The following NAV3 variants were observed in gnomAD, a reference collection of about 807,000 sequenced individuals.
NAV3 encodes neuron navigator 3.
In NAV3, 87 loss-of-function variants were observed where a neutral mutation model predicts 244.7. That is an observed-to-expected ratio of 0.36 (90% CI 0.30 to 0.42). The LOEUF is 0.42. NAV3 is among the 20% of genes least tolerant of loss of function. NAV3 has a pLI of 1.00. For synonymous variants in NAV3, 1,126 were observed against 1,042.2 expected (o/e 1.08, Z -1.55); for missense variants, 2,663 against 2,893.3 (o/e 0.92, Z 1.83).
At chr12:77,590,943 A>C (rs1869877272) in intron 2 of NAV3, among the ~76,000 whole-genome samples, 1 of 152,206 alleles carries the variant, frequency 6.6e-6, no homozygotes, top group Non-Finnish European at 1.5e-5. Flanking sequence ...CAAAGGTGAT[A>C]AACCATGTGA....
intron 2 of NAV3, among the ~76,000 whole-genome samples, chr12:77,607,403 A>C (rs181753760): frequency 1.3e-3 from 191 of 152,278 alleles, no homozygotes; most frequent in African/African-American, 3.2e-3. Context: ...ACAACTGGAT[A>C]AGGAAAAGCA....
chr12:78,190,362 G>A, intron 34 of NAV3, 143 bp downstream of exon 34: 1 of 675,808 alleles, frequency 1.5e-6, no homozygotes. Flanking sequence ...AACCTGGTGA[G>A]TGATCAAACT....
At chr12:77,734,017 A>G (rs553469980) in intron 2 of NAV3, among the ~76,000 whole-genome samples, 31 of 151,938 alleles carry the variant, frequency 2.0e-4, no homozygotes, top group Non-Finnish European at 4.0e-4. Context: ...TCAGGATCAG[A>G]GAGACTTAAG....
At chr12:77,691,356 C>CT (rs1875019081) in intron 2 of NAV3, among the ~76,000 whole-genome samples, 1 of 108,626 alleles carries the variant, frequency 9.2e-6, no homozygotes, top group African/African-American at 3.4e-5. Flanking sequence ...TATATATATA[C>CT]ATATCCATTC....
intron 2 of NAV3, among the ~76,000 whole-genome samples, chr12:77,699,816 C>T (rs907648157): frequency 1.4e-4 from 21 of 149,880 alleles, no homozygotes; most frequent in Middle Eastern, 3.2e-3. Context: ...AATGAACAAG[C>T]CTCTGAAATC....
At chr12:77,793,996 C>T (rs993390409) in intron 2 of NAV3, among the ~76,000 whole-genome samples, 10 of 152,088 alleles carry the variant, frequency 6.6e-5, no homozygotes, top group Admixed American at 2.6e-4. Context: ...TGTTTCCTGT[C>T]TTTTTTAATG....
At chr12:77,934,771 A>G (rs1000746358) in intron 1 of NAV3, among the ~76,000 whole-genome samples, 5 of 152,222 alleles carry the variant, frequency 3.3e-5, no homozygotes, top group Non-Finnish European at 7.3e-5. Context: ...ATTTGAACAT[A>G]CCAGGGAGCA....
chr12:78,054,036 G>A (rs866736383), intron 11 of NAV3, among the ~76,000 whole-genome samples: 1 of 152,164 alleles, frequency 6.6e-6, no homozygotes, highest in Non-Finnish European at 1.5e-5. Context: ...AGTGCAATAT[G>A]TTGGGAATTT....
chr12:77,744,948 A>T (rs1868461787), intron 2 of NAV3, among the ~76,000 whole-genome samples: 1 of 152,018 alleles, frequency 6.6e-6, no homozygotes, highest in Non-Finnish European at 1.5e-5. Flanking sequence ...AATACATCAT[A>T]AGAGTGTTGT....
chr12:77,796,138 T>C (rs1013559765), intron 2 of NAV3, among the ~76,000 whole-genome samples: 2 of 152,082 alleles, frequency 1.3e-5, no homozygotes, highest in Non-Finnish European at 2.9e-5. Flanking sequence ...CTAAGCAAAG[T>C]AAATAAAAAA....
At chr12:77,626,204 A>G (rs942548528) in intron 2 of NAV3, among the ~76,000 whole-genome samples, 2 of 152,020 alleles carry the variant, frequency 1.3e-5, no homozygotes, top group Non-Finnish European at 2.9e-5. Flanking sequence ...GAAGAGAAAA[A>G]TTTCTGAACT....
chr12:77,745,285 C>T (rs1201787782), intron 2 of NAV3, among the ~76,000 whole-genome samples: 2 of 151,948 alleles, frequency 1.3e-5, no homozygotes, highest in Non-Finnish European at 2.9e-5. Context: ...TCTTATATAG[C>T]AGTTTGGACC....
At chr12:77,857,999 G>T (rs1878653679) in intron 1 of NAV3, among the ~76,000 whole-genome samples, 3 of 151,900 alleles carry the variant, frequency 2.0e-5, no homozygotes, top group Non-Finnish European at 2.9e-5. Flanking sequence ...CATGCAATTT[G>T]CCAAGAAAAA....
At chr12:78,197,552 A>AGTTTTAT in intron 35 of NAV3, 151 bp downstream of exon 35, 1 of 537,880 alleles carries the variant, frequency 1.9e-6, no homozygotes, top group South Asian at 3.5e-5. Flanking sequence ...GATTGTGTAC[A>AGTTTTAT]CCATGATGTT....
chr12:78,196,306 C>G (rs776198415), intron 34 of NAV3, among the ~76,000 whole-genome samples: 1 of 151,916 alleles, frequency 6.6e-6, no homozygotes, highest in Admixed American at 6.6e-5. Context: ...AAAATCCTGG[C>G]CCGTTGTTTT....
At chr12:78,023,115 G>A (rs1197943767) in intron 9 of NAV3, among the ~76,000 whole-genome samples, 1 of 152,116 alleles carries the variant, frequency 6.6e-6, no homozygotes, top group African/African-American at 2.4e-5. Flanking sequence ...AGATGTGTAT[G>A]CCTCATATAT....
At chr12:78,102,923 C>A (rs975110277) in intron 12 of NAV3, among the ~76,000 whole-genome samples, 10 of 152,098 alleles carry the variant, frequency 6.6e-5, no homozygotes, top group Admixed American at 1.3e-4. Flanking sequence ...ATCATTTTTT[C>A]CTCCTAGGCT....
chr12:77,976,976 G>A (rs181269171), intron 5 of NAV3, among the ~76,000 whole-genome samples: 1 of 152,106 alleles, frequency 6.6e-6, no homozygotes, highest in African/African-American at 2.4e-5. Flanking sequence ...CACCCGGCCT[G>A]TACTGTATTC....
intron 9 of NAV3, among the ~76,000 whole-genome samples, chr12:78,033,191 G>A (rs1879280572): frequency 6.6e-6 from 1 of 151,446 alleles, no homozygotes; most frequent in African/African-American, 2.4e-5. Context: ...TTAAAAGTGG[G>A]AAATATCTGA....
Sources: allele counts gnomAD v4.1 joint callset (sites outside exome capture counted in the v4.1 genomes callset), GRCh38; gene constraint gnomAD v4.1.1; transcripts MANE v1.5; gene names NCBI Gene and HGNC (gene_info 2026-07-23, HGNC 2026-07-21).